Variants in TPO observed in about 807,000 individuals in gnomAD.
The protein encoded by TPO is thyroid microsomal antigen.
A neutral mutation model predicts 96.9 loss-of-function variants in TPO; 78 were observed. That is an observed-to-expected ratio of 0.81 (90% CI 0.67 to 0.97). TPO has a LOEUF of 0.97. Ranked by LOEUF, TPO falls within the 50% of genes least tolerant of loss-of-function variation. TPO has a pLI of 0.00. For synonymous variants in TPO, 547 were observed against 538.0 expected, an observed-to-expected ratio of 1.02 and a Z score of -0.23; for missense variants, 1,252 against 1,274.8, an observed-to-expected ratio of 0.98 and a Z score of 0.27.
At chr2:1,460,448 C>G (rs1668319373) in intron 7 of TPO, among the ~76,000 whole-genome samples, 1 of 152,186 alleles carries the variant, frequency 6.6e-6, no homozygotes, top group South Asian at 2.1e-4. Flanking sequence ...CACCTATTAT[C>G]TATCAGGTCT....
intron 1 of TPO, among the ~76,000 whole-genome samples, chr2:1,405,278 C>T (rs1662233427): frequency 6.6e-6 from 1 of 151,100 alleles, no homozygotes; most frequent in African/African-American, 2.4e-5. Context: ...TAATCACTCA[C>T]ACACACATCC....
At position 1,438,791 on chromosome 2, in the gene TPO, T is replaced by C. The variant is rs1665863814; in HGVS notation, c.482+2407T>C. 2 of 702,510 alleles carry C rather than the reference T, an allele frequency of 2.8e-6. 1 individual carries two copies. The highest frequency in any genetic ancestry group is 3.1e-5 in the South Asian group (2 of 65,190). The allele number at this position is 702,510 out of a possible 1,614,324, so 43.5% of individuals were successfully genotyped here. A position where few individuals can be genotyped will look rare whatever the true frequency, so the allele number is the denominator to read the frequency against. On this transcript the variant is annotated intron_variant, in intron 5 of 16. Transcript: ENST00000329066. ...AACTTAACTGGAGATTTTTTTTTTT[T>C]TTTTTGCAAATGCCTGGATTAAAGA...
chr2:1,524,388 C>CA (rs1319511671), intron 15 of TPO, among the ~76,000 whole-genome samples: 1 of 116,602 alleles, frequency 8.6e-6, no homozygotes, highest in African/African-American at 3.3e-5. Flanking sequence ...AAATCCCCCC[C>CA]ACTCTGTGCA....
chr2:1,450,527 G>C (rs1223451893), intron 5 of TPO, among the ~76,000 whole-genome samples: 1 of 152,136 alleles, frequency 6.6e-6, no homozygotes, highest in Non-Finnish European at 1.5e-5. Context: ...CATTAATTCA[G>C]ATCTAAGAAA....
At chr2:1,519,945 T>G (rs1675080924) in intron 15 of TPO, among the ~76,000 whole-genome samples, 1 of 152,186 alleles carries the variant, frequency 6.6e-6, no homozygotes, top group Non-Finnish European at 1.5e-5. Context: ...TATTTGGCTA[T>G]AGTTGATTTT....
At chr2:1,379,038 T>C (rs1026444628) in intron 1 of TPO, among the ~76,000 whole-genome samples, 1 of 152,118 alleles carries the variant, frequency 6.6e-6, no homozygotes, top group Non-Finnish European at 1.5e-5. Context: ...TTATTTCATT[T>C]AAAGAGTGAA....
Position 1,456,384 on chromosome 2 carries a change from TC to T in TPO, c.819+104del, listed in dbSNP as rs1466944454. 2.4e-5 allele frequency: 31 copies of T among 1,298,072 alleles called. 1 individual carries two copies. In the Admixed American group the frequency reaches 6.0e-4, roughly 25 times the overall value. 80.4% of individuals were successfully genotyped at this position (1,298,072 alleles called of 1,614,324 possible). ...CAAAATGTGAAAGTCTGTTTCTTTG[TC>T]CTATTCCCAGGGGTAGCAGTTGTGA... On this transcript the variant is annotated intron_variant, in intron 7 of 16. Transcript: ENST00000329066.
At chr2:1,522,178 G>T (rs1246449643) in intron 15 of TPO, among the ~76,000 whole-genome samples, 10 of 124,280 alleles carry the variant, frequency 8.0e-5, no homozygotes. Context: ...CTGCTACCAT[G>T]CCCTGGCAGT....
rs1182695615 is a variant in TPO, at chr2:1,543,005, G to GTGACT, written c.*534_*538dup. ...GAGCCTTAAGGACCAACAAGGCAAA[G>GTGACT]TGACTTGTCTCATCCTCCAGAGATT... On this transcript the variant is annotated 3_prime_UTR_variant, in exon 17 of 17. Transcript: ENST00000329066. 4.7e-6 allele frequency: 1 copy of GTGACT among 211,912 alleles called. No homozygotes were observed. Among genetic ancestry groups the GTGACT allele is most frequent in the African/African-American group, 2.3e-5 (1 of 43,328 alleles). The allele number at this position is 211,912 out of a possible 1,614,324, so 13.1% of individuals were successfully genotyped here. A position where few individuals can be genotyped will look rare whatever the true frequency, so the allele number is the denominator to read the frequency against.
intron 2 of TPO, 90 bp from the exon 3 acceptor site, chr2:1,422,955 C>A: frequency 6.9e-7 from 1 of 1,451,578 alleles, no homozygotes; most frequent in African/African-American, 1.4e-5. Flanking sequence ...GGCATCACCG[C>A]AGCAAGATGG....
intron 1 of TPO, among the ~76,000 whole-genome samples, chr2:1,405,793 T>C (rs533622654): frequency 6.6e-6 from 1 of 152,344 alleles, no homozygotes; most frequent in African/African-American, 2.4e-5. Flanking sequence ...GCACAGAACT[T>C]GACCCTAAAG....
At chr2:1,455,393 G>C (rs531160955) in intron 6 of TPO, among the ~76,000 whole-genome samples, 1 of 152,082 alleles carries the variant, frequency 6.6e-6, no homozygotes, top group Admixed American at 6.6e-5. Flanking sequence ...CCCATCCCAT[G>C]ACGGCACCAA....
intron 14 of TPO, among the ~76,000 whole-genome samples, chr2:1,513,094 G>A (rs1309893990): frequency 6.6e-6 from 1 of 152,214 alleles, no homozygotes; most frequent in African/African-American, 2.4e-5. Context: ...GACGGAGCAG[G>A]CCAGCAGGAC....
chr2:1,440,151 T>TGCTGCGTTTCCACC (rs1666015930), intron 5 of TPO, among the ~76,000 whole-genome samples: 2 of 149,616 alleles, frequency 1.3e-5, no homozygotes, highest in African/African-American at 5.1e-5. Context: ...GCGTTTCCAA[T>TGCTGCGTTTCCACC]GTGCTGCGTT....
chr2:1,418,692 C>A (rs1558260151), intron 2 of TPO, among the ~76,000 whole-genome samples: 1 of 152,132 alleles, frequency 6.6e-6, no homozygotes. Flanking sequence ...GATTTATGTG[C>A]AATTATCTTT....
At chr2:1,539,953 G>A (rs891097674) in intron 15 of TPO, among the ~76,000 whole-genome samples, 7 of 152,294 alleles carry the variant, frequency 4.6e-5, no homozygotes, top group South Asian at 4.2e-4. Context: ...AGTTCTGATG[G>A]AAAAGCTGTT....
intron 8 of TPO, among the ~76,000 whole-genome samples, chr2:1,480,559 T>TAC (rs3036105): frequency 0.16 from 7,197 of 44,308 alleles, 757 homozygotes; most frequent in East Asian, 0.19. Context: ...TCAAACCCCC[T>TAC]ACACACACAC....
intron 14 of TPO, among the ~76,000 whole-genome samples, chr2:1,511,306 G>A (rs1187946108): frequency 2.2e-5 from 1 of 45,728 alleles, no homozygotes; most frequent in South Asian, 1.0e-3. Flanking sequence ...GACTGGGGGT[G>A]CCACAGCGCA....
intron 7 of TPO, among the ~76,000 whole-genome samples, chr2:1,472,548 A>G (rs1669522133): frequency 6.6e-6 from 1 of 152,120 alleles, no homozygotes; most frequent in Non-Finnish European, 1.5e-5. Flanking sequence ...GAATCCCCCC[A>G]GTGGAGCGCC....
Sources: gnomAD v4.1 joint callset for allele counts (sites outside exome capture counted in the v4.1 genomes callset) on GRCh38, gnomAD v4.1.1 for gene constraint, MANE v1.5 for transcripts, NCBI Gene and HGNC (gene_info 2026-07-23, HGNC 2026-07-21) for gene names.